The following PRKAR1A variants were observed in gnomAD, a reference collection of about 807,000 sequenced individuals.
The protein encoded by PRKAR1A is protein kinase cAMP-dependent type I regulatory subunit alpha.
PRKAR1A carries 3 observed loss-of-function variants against 52.0 expected under a neutral mutation model. The ratio of observed to expected loss-of-function variants is 0.06; its 90% CI spans 0.03 to 0.15. The LOEUF (loss-of-function observed/expected upper bound fraction) is 0.15. Ranked by LOEUF, PRKAR1A falls within the 10% of genes least tolerant of loss-of-function variation. The probability of loss-of-function intolerance (pLI) is 1.00; values close to 1 mark genes in which losing one functional copy is unlikely to be tolerated. For missense variants in PRKAR1A, 240 were observed against 477.4 expected, an observed-to-expected ratio of 0.50 and a Z score of 4.63; for synonymous variants, 188 against 168.4, an observed-to-expected ratio of 1.12 and a Z score of -0.90.
chr17:68,464,708 C>CA, the PRKAR1A span, among the ~76,000 whole-genome samples: 114 of 35,574 alleles, frequency 3.2e-3, no homozygotes, highest in Non-Finnish European at 7.7e-3. Flanking sequence ...ACAAAAAAAA[C>CA]AAAAAAAACA....
chr17:68,435,764 G>A, the PRKAR1A span: 3 of 1,508,378 alleles, frequency 2.0e-6, no homozygotes, highest in Non-Finnish European at 2.8e-6. Flanking sequence ...AGGGAAGATG[G>A]ATTTCACCTC....
At chr17:68,545,560 GCTGA>G (rs1335331730) in intron 11 of PRKAR1A, among the ~76,000 whole-genome samples, 12 of 152,314 alleles carry the variant, frequency 7.9e-5, no homozygotes, top group South Asian at 6.2e-4. Flanking sequence ...TAATCTTTTT[GCTGA>G]CTGACTGGGG....
chr17:68,528,787 G>A, intron 8 of PRKAR1A, 83 bp from the exon 9 acceptor site: 1 of 1,550,174 alleles, frequency 6.5e-7, no homozygotes. Flanking sequence ...ATGGCTATTT[G>A]GTTGAATCTC....
the PRKAR1A span, among the ~76,000 whole-genome samples, chr17:68,481,420 C>T: frequency 2.0e-5 from 3 of 152,150 alleles, no homozygotes; most frequent in African/African-American, 7.2e-5. Context: ...TGCAACTAGA[C>T]GGTCCCATCT....
At chr17:68,436,499 A>G in the PRKAR1A span, 6 of 1,609,148 alleles carry the variant, frequency 3.7e-6, no homozygotes, top group Middle Eastern at 1.6e-4. Flanking sequence ...AAGAAACAGA[A>G]CATGAGAAGC....
At chr17:68,507,248 C>G (rs144088757), upstream of PRKAR1A, among the ~76,000 whole-genome samples, 1 of 152,298 alleles carries the variant, frequency 6.6e-6, no homozygotes, top group Non-Finnish European at 1.5e-5. Flanking sequence ...AGAATCAACC[C>G]AAATGCCCAT....
chr17:68,444,046 T>C, the PRKAR1A span, among the ~76,000 whole-genome samples: 12 of 152,338 alleles, frequency 7.9e-5, no homozygotes, highest in African/African-American at 2.9e-4. Flanking sequence ...TTCTTTGTCA[T>C]GTAATAAAAC....
chr17:68,535,761 T>G (rs1457667620), downstream of PRKAR1A: 1 of 453,152 alleles, frequency 2.2e-6, no homozygotes, highest in Non-Finnish European at 4.4e-6. Flanking sequence ...ATCTGCCTGT[T>G]TAGGCCCAAA....
chr17:68,461,947 A>G, the PRKAR1A span, among the ~76,000 whole-genome samples: 1 of 152,156 alleles, frequency 6.6e-6, no homozygotes, highest in African/African-American at 2.4e-5. This position sits in a 1 kb window ranked among gnomAD's most constrained non-coding sequence, Gnocchi z 4.6. Flanking sequence ...TTCTGTTTCT[A>G]ATTATAGACA....
chr17:68,460,219 A>G, the PRKAR1A span, among the ~76,000 whole-genome samples: 1 of 152,190 alleles, frequency 6.6e-6, no homozygotes, highest in Admixed American at 6.5e-5. Flanking sequence ...TTAAGTGTTC[A>G]TGTAGCTGGT....
chr17:68,426,443 G>A, the PRKAR1A span, among the ~76,000 whole-genome samples: 1 of 152,140 alleles, frequency 6.6e-6, no homozygotes, highest in African/African-American at 2.4e-5. Context: ...ATGTTGCCCA[G>A]GCTGGTCTCG....
chr17:68,478,406 C>T, the PRKAR1A span, among the ~76,000 whole-genome samples: 1 of 152,252 alleles, frequency 6.6e-6, no homozygotes, highest in Admixed American at 6.5e-5. Flanking sequence ...GAGCTGAGAT[C>T]ACACCACTGC....
chr17:68,438,512 TGGAAATCTTACAA>T, the PRKAR1A span, among the ~76,000 whole-genome samples: 17 of 152,146 alleles, frequency 1.1e-4, no homozygotes. Context: ...GTGAAGACTG[TGGAAATCTTACAA>T]GGACTAGCGT....
chr17:68,463,708 G>C, the PRKAR1A span, among the ~76,000 whole-genome samples: 1 of 152,196 alleles, frequency 6.6e-6, no homozygotes, highest in African/African-American at 2.4e-5. Context: ...AAAGGGAGCA[G>C]GTTATGCAGT....
At chr17:68,497,839 T>A in the PRKAR1A span, among the ~76,000 whole-genome samples, 252 of 152,168 alleles carry the variant, frequency 1.7e-3, 1 homozygote, top group Middle Eastern at 6.8e-3. Flanking sequence ...ACAAGACACA[T>A]AGACATTGAA....
At chr17:68,444,619 G>T in the PRKAR1A span, 1 of 1,582,432 alleles carries the variant, frequency 6.3e-7, no homozygotes, top group South Asian at 1.1e-5. Context: ...TCAGTCTACC[G>T]AACCGTTCCT....
At chr17:68,545,761 C>CT (rs1369437977) in intron 11 of PRKAR1A, among the ~76,000 whole-genome samples, 5 of 152,232 alleles carry the variant, frequency 3.3e-5, no homozygotes, top group Admixed American at 3.3e-4. Context: ...GCTTTATCAA[C>CT]TAAGTTTGCA....
intron 10 of PRKAR1A, 106 bp from the exon 11 acceptor site, chr17:68,530,171 A>T: frequency 6.6e-7 from 1 of 1,517,220 alleles, no homozygotes; most frequent in Non-Finnish European, 9.1e-7. Flanking sequence ...CATTTAATGA[A>T]ATTACTGATT....
At chr17:68,508,538 C>T (rs1171581060), upstream of PRKAR1A, among the ~76,000 whole-genome samples, 2 of 152,086 alleles carry the variant, frequency 1.3e-5, no homozygotes, top group African/African-American at 2.4e-5. Context: ...AAGGGGGAGT[C>T]GGGGAGCAAG....
Sources: allele counts gnomAD v4.1 joint callset (sites outside exome capture counted in the v4.1 genomes callset), GRCh38; gene constraint gnomAD v4.1.1; non-coding constraint Gnocchi (gnomAD v3.1); transcripts MANE v1.5; gene names NCBI Gene and HGNC (gene_info 2026-07-23, HGNC 2026-07-21).